HIP1: variants seen among roughly 807,000 people sequenced by gnomAD.
The protein encoded by HIP1 is huntingtin interacting protein 1, also known as huntingtin-interacting protein 1.
In HIP1, 65 loss-of-function variants were observed where a neutral mutation model predicts 147.6. The ratio of observed to expected loss-of-function variants is 0.44; its 90% CI spans 0.36 to 0.54. The LOEUF is 0.54. Among genes scored for constraint, HIP1 ranks in the 20% least tolerant of loss-of-function variants. The pLI, the probability that HIP1 is intolerant of heterozygous loss-of-function variation, is 0.00. For synonymous variants in HIP1, 479 were observed against 504.0 expected (o/e 0.95, Z 0.67); for missense variants, 1,061 against 1,299.6 (o/e 0.82, Z 2.82).
intron 1 of HIP1, among the ~76,000 whole-genome samples, chr7:75,604,205 C>T (rs1438087579): frequency 5.3e-5 from 8 of 152,200 alleles, no homozygotes; most frequent in Admixed American, 5.2e-4. Context: ...ACTTCCGGAG[C>T]CCATCAAGGT....
intron 1 of HIP1, among the ~76,000 whole-genome samples, chr7:75,614,711 C>T (rs369285878): frequency 6.6e-6 from 1 of 151,444 alleles, no homozygotes; most frequent in African/African-American, 2.4e-5. Context: ...GTTACAATAG[C>T]GAATTTCATG....
chr7:75,551,177 A>T (rs1794767462), intron 22 of HIP1, among the ~76,000 whole-genome samples: 1 of 127,098 alleles, frequency 7.9e-6, no homozygotes, highest in Non-Finnish European at 1.6e-5. Flanking sequence ...GGAGGCAAAG[A>T]TGTAGATGAT....
At position 75,648,853 on chromosome 7, in the gene HIP1, C is replaced by T. The variant is rs564762030; in HGVS notation, c.121-49606G>A. Among the ~76,000 whole-genome samples the T allele has an allele frequency of 9.9e-4, 150 of 152,184 alleles. 2 individuals are homozygous for T. In the South Asian group the frequency reaches 0.03, roughly 31 times the overall value. On this transcript the variant is annotated intron_variant, in intron 1 of 30. Coordinates refer to ENST00000336926, the MANE Select transcript of HIP1 (RefSeq NM_005338.7). ...AGGTTCAGTGACTCAGGCCTGTAAT[C>T]CCAGCACTTTAGGAGGCCAAGATGG...
At chr7:75,714,073 T>G (rs1554520349) in intron 1 of HIP1, among the ~76,000 whole-genome samples, 1 of 151,696 alleles carries the variant, frequency 6.6e-6, no homozygotes, top group Non-Finnish European at 1.5e-5. Context: ...GGAGTCTCAC[T>G]CTTTCATCTA....
chr7:75,571,744 G>A (rs1241497251), intron 8 of HIP1, among the ~76,000 whole-genome samples: 1 of 152,044 alleles, frequency 6.6e-6, no homozygotes, highest in African/African-American at 2.4e-5. Context: ...CACCATGCCT[G>A]GCTAATTTTT....
chr7:75,551,492 G>A (rs1554492133), intron 22 of HIP1, among the ~76,000 whole-genome samples: 1 of 148,000 alleles, frequency 6.8e-6, no homozygotes, highest in Admixed American at 6.8e-5. Flanking sequence ...TGGGATTACA[G>A]GCGTGAGCCA....
chr7:75,558,826 C>T (rs1795115538), intron 14 of HIP1, among the ~76,000 whole-genome samples: 1 of 152,074 alleles, frequency 6.6e-6, no homozygotes, highest in Non-Finnish European at 1.5e-5. Flanking sequence ...CAAGACCAGC[C>T]TGACCAACAT....
rs150084546 is a variant in HIP1, at chr7:75,603,225, G to A, written c.121-3978C>T. Among the ~76,000 whole-genome samples the A allele has an allele frequency of 3.6e-3, 540 of 151,922 alleles. 2 individuals are homozygous for A. Among genetic ancestry groups the A allele is most frequent in the African/African-American group, 8.4e-3 (346 of 41,428 alleles). On this transcript the variant is annotated intron_variant, in intron 1 of 30. Transcript: ENST00000336926. ...TAGCTGGGTGTGGTGGTGTGTGCCT[G>A]TAGTCCTAGCTATTAGGGAGGTTGA...
chr7:75,737,939 CCAT>C (rs1384455020), intron 1 of HIP1, among the ~76,000 whole-genome samples: 2 of 152,260 alleles, frequency 1.3e-5, no homozygotes, highest in Non-Finnish European at 1.5e-5. Context: ...TTGATGAACA[CCAT>C]CAACATGTCA....
At chr7:75,665,578 C>T (rs1399357100) in intron 1 of HIP1, among the ~76,000 whole-genome samples, 4 of 150,390 alleles carry the variant, frequency 2.7e-5, no homozygotes, top group Non-Finnish European at 4.4e-5. Context: ...CTCGCTCTGT[C>T]GCTCAGGCTG....
intron 5 of HIP1, among the ~76,000 whole-genome samples, chr7:75,585,560 G>A (rs1279706311): frequency 1.3e-5 from 2 of 151,466 alleles, no homozygotes; most frequent in African/African-American, 4.9e-5. Context: ...CCAATCACAC[G>A]CTACAAGCCC....
intron 23 of HIP1, among the ~76,000 whole-genome samples, chr7:75,548,079 G>C (rs1472738974): frequency 4.6e-5 from 7 of 152,060 alleles, no homozygotes; most frequent in Non-Finnish European, 8.8e-5. Flanking sequence ...ACCCAGGCTG[G>C]AGTGAGCGGT....
At chr7:75,683,270 C>T (rs1800153072) in intron 1 of HIP1, among the ~76,000 whole-genome samples, 2 of 152,026 alleles carry the variant, frequency 1.3e-5, no homozygotes, top group Admixed American at 6.6e-5. Context: ...TGTCAGCCAC[C>T]GTGCCCGGCC....
chr7:75,534,894 A>C lies in HIP1; in HGVS notation c.*3278T>G, dbSNP rs1345069438. 1 of 207,074 alleles carries C rather than the reference A, an allele frequency of 4.8e-6. No homozygotes were observed. The highest frequency in any genetic ancestry group is 2.3e-5 in the African/African-American group (1 of 43,890). 12.8% of individuals were successfully genotyped at this position (207,074 alleles called of 1,614,324 possible). On this transcript the variant is annotated 3_prime_UTR_variant, in exon 31 of 31. Coordinates refer to ENST00000336926, the MANE Select transcript of HIP1 (RefSeq NM_005338.7). The stretch of plus-strand genomic sequence containing the variant: ...CATGACCCATTTACGCTCACCCGAG[A>C]CTTGTCACTAGTGATGCTCAGTGAC...
At chr7:75,668,782 A>G (rs901309155) in intron 1 of HIP1, among the ~76,000 whole-genome samples, 1 of 152,216 alleles carries the variant, frequency 6.6e-6, no homozygotes, top group Non-Finnish European at 1.5e-5. Flanking sequence ...CAATCAGAAT[A>G]ATACATTTTT....
At position 75,538,043 on chromosome 7, in the gene HIP1, T is replaced by G. The variant is rs1794152369; in HGVS notation, c.*129A>C. 3 of 770,744 alleles carry G rather than the reference T, an allele frequency of 3.9e-6. No homozygotes were observed. Among genetic ancestry groups the G allele is most frequent in the East Asian group, 2.4e-5 (1 of 40,938 alleles). The allele number at this position is 770,744 out of a possible 1,614,324, so 47.7% of individuals were successfully genotyped here. On this transcript the variant is annotated 3_prime_UTR_variant, in exon 31 of 31. Transcript: ENST00000336926. ...GTCTTTGGAAGTGTCATGCATGTCCTCGGCACTGGGTAATGGCAGTGGTGT... is the reference window on the plus strand; with the variant it reads ...GTCTTTGGAAGTGTCATGCATGTCCGCGGCACTGGGTAATGGCAGTGGTGT...
intron 5 of HIP1, among the ~76,000 whole-genome samples, chr7:75,584,544 T>TGG (rs1796182168): frequency 6.6e-6 from 1 of 152,158 alleles, no homozygotes; most frequent in Non-Finnish European, 1.5e-5. Context: ...TGCATCCTCT[T>TGG]CGACCCCAGT....
intron 1 of HIP1, among the ~76,000 whole-genome samples, chr7:75,658,605 G>A (rs1176031989): frequency 6.6e-6 from 1 of 151,934 alleles, no homozygotes; most frequent in Non-Finnish European, 1.5e-5. Context: ...AGAAAAAGAG[G>A]CAGGAAAAAG....
Position 75,581,304 on chromosome 7 carries a change from C to T in HIP1, c.543-6G>A, listed in dbSNP as rs1554498543. 1.2e-6 allele frequency: 2 copies of T among 1,609,978 alleles called. No homozygotes were observed. The highest frequency in any genetic ancestry group is 2.7e-5 in the African/African-American group (2 of 74,876). ...TCTCCACTGTTAACTGGAAACTGGA[C>T]CCAAGAGGAAAGAGAGCTTACACTC... On this transcript the variant is annotated splice_region_variant and splice_polypyrimidine_tract_variant and intron_variant, in intron 6 of 30. Coordinates refer to ENST00000336926, the MANE Select transcript of HIP1 (RefSeq NM_005338.7).
Sources: allele counts gnomAD v4.1 joint callset (sites outside exome capture counted in the v4.1 genomes callset), GRCh38; gene constraint gnomAD v4.1.1; transcripts MANE v1.5; gene names NCBI Gene and HGNC (gene_info 2026-07-23, HGNC 2026-07-21).